ST7: variants seen among roughly 807,000 people sequenced by gnomAD.
The protein encoded by ST7 is suppression of tumorigenicity 7.
ST7 carries 28 observed loss-of-function variants against 78.7 expected under a neutral mutation model. The observed-to-expected ratio is 0.36, with a 90% confidence interval of 0.26 to 0.49. ST7 has a LOEUF of 0.49. ST7 is among the 20% of genes least tolerant of loss of function. The pLI is 0.99. For missense variants in ST7, 418 were observed against 696.0 expected, an observed-to-expected ratio of 0.60 and a Z score of 4.49; for synonymous variants, 247 against 249.6, an observed-to-expected ratio of 0.99 and a Z score of 0.10.
intron 1 of ST7, chr7:117,014,791 A>G (rs1484811565): frequency 2.7e-6 from 1 of 369,004 alleles, no homozygotes; most frequent in Admixed American, 4.6e-5. Flanking sequence ...TTTCTGAGAG[A>G]CATTTCTAAG....
intron 15 of ST7, chr7:117,223,202 T>C: frequency 1.8e-6 from 1 of 556,778 alleles, no homozygotes; most frequent in Non-Finnish European, 3.2e-6. Context: ...CTTTCCCTCC[T>C]TTTCCCAAAG....
chr7:117,035,162 T>G (rs1216500409), intron 1 of ST7, among the ~76,000 whole-genome samples: 3 of 145,182 alleles, frequency 2.1e-5, no homozygotes, highest in African/African-American at 5.1e-5. Context: ...AATACACAGG[T>G]CCCTGAGTGC....
At chr7:117,035,642 T>A (rs1429785091) in intron 1 of ST7, among the ~76,000 whole-genome samples, 2 of 152,192 alleles carry the variant, frequency 1.3e-5, no homozygotes, top group African/African-American at 4.8e-5. Context: ...AAGGGAAATA[T>A]CTCCATTATA....
intron 3 of ST7, among the ~76,000 whole-genome samples, chr7:117,128,508 T>G (rs1804060509): frequency 6.6e-6 from 1 of 151,872 alleles, no homozygotes; most frequent in African/African-American, 2.4e-5. Flanking sequence ...GACAAAAAAT[T>G]TAGGGCCATT....
chr7:117,222,878 C>T (rs780215676), intron 15 of ST7: 2 of 1,614,040 alleles, frequency 1.2e-6, no homozygotes, highest in South Asian at 1.1e-5. Flanking sequence ...ACATTTTCTG[C>T]TCGGCAGAGT....
chr7:116,956,651 A>G (rs527489057), intron 1 of ST7: 242 of 470,972 alleles, frequency 5.1e-4, no homozygotes, highest in Non-Finnish European at 8.3e-4. Flanking sequence ...TCATTCTTGG[A>G]TATCTGCTTG....
intron 13 of ST7, among the ~76,000 whole-genome samples, chr7:117,213,652 A>C (rs1792465110): frequency 6.6e-6 from 1 of 151,810 alleles, no homozygotes; most frequent in Non-Finnish European, 1.5e-5. Context: ...AAAAAAAAAA[A>C]CAAAACTGAA....
At chr7:117,021,501 C>G (rs975760109) in intron 1 of ST7, among the ~76,000 whole-genome samples, 2 of 152,142 alleles carry the variant, frequency 1.3e-5, no homozygotes, top group African/African-American at 4.8e-5. Flanking sequence ...ATTGGCAAGC[C>G]ACTATCTTTG....
chr7:117,160,591 C>A (rs1807059725), intron 9 of ST7, among the ~76,000 whole-genome samples: 1 of 151,812 alleles, frequency 6.6e-6, no homozygotes. Context: ...ACATCCCTCA[C>A]AAATATGAGT....
At chr7:117,005,669 T>C (rs1795125507) in intron 1 of ST7, among the ~76,000 whole-genome samples, 1 of 152,130 alleles carries the variant, frequency 6.6e-6, no homozygotes, top group Non-Finnish European at 1.5e-5. Flanking sequence ...GTATGCTGAA[T>C]TCCCAGACAT....
chr7:117,110,928 G>A (rs1423481755), intron 2 of ST7, among the ~76,000 whole-genome samples: 1 of 152,182 alleles, frequency 6.6e-6, no homozygotes, highest in Non-Finnish European at 1.5e-5. Flanking sequence ...TTCTCAGGAA[G>A]CAGAGGATGC....
intron 1 of ST7, among the ~76,000 whole-genome samples, chr7:116,961,588 G>GTGTT (rs1792829606): frequency 6.6e-6 from 1 of 151,274 alleles, no homozygotes; most frequent in Admixed American, 6.6e-5. Flanking sequence ...GTGTGTGTGT[G>GTGTT]TGTGTGGTGG....
At chr7:117,028,792 A>C (rs1430203244) in intron 1 of ST7, among the ~76,000 whole-genome samples, 2 of 152,154 alleles carry the variant, frequency 1.3e-5, no homozygotes, top group Non-Finnish European at 2.9e-5. Flanking sequence ...CTAAAGGCTC[A>C]CCTGAACTAG....
At chr7:117,178,119 G>A (rs886254449) in intron 10 of ST7, among the ~76,000 whole-genome samples, 1 of 152,122 alleles carries the variant, frequency 6.6e-6, no homozygotes, top group African/African-American at 2.4e-5. Context: ...ATAATTTGTT[G>A]CCTGACCAAG....
At chr7:116,966,634 A>G (rs568384824) in intron 1 of ST7, among the ~76,000 whole-genome samples, 3 of 152,344 alleles carry the variant, frequency 2.0e-5, no homozygotes, top group South Asian at 4.1e-4. Context: ...ATCTCTTTTT[A>G]GTATTGACTA....
At chr7:117,122,036 A>G (rs1474024604) in intron 3 of ST7, among the ~76,000 whole-genome samples, 1 of 152,186 alleles carries the variant, frequency 6.6e-6, no homozygotes, top group African/African-American at 2.4e-5. Context: ...AAAATATTAA[A>G]GATTAATGGA....
At chr7:117,005,540 A>C (rs1398686362) in intron 1 of ST7, among the ~76,000 whole-genome samples, 1 of 152,200 alleles carries the variant, frequency 6.6e-6, no homozygotes, top group Non-Finnish European at 1.5e-5. Context: ...TGAAATGCTA[A>C]AGGACATTAC....
chr7:117,021,438 A>G (rs2116036754), intron 1 of ST7, among the ~76,000 whole-genome samples: 1 of 152,366 alleles, frequency 6.6e-6, no homozygotes, highest in Middle Eastern at 3.4e-3. Context: ...AAGAATTTCT[A>G]AGAGATAAGA....
At chr7:117,066,320 G>A (rs1159598214) in intron 1 of ST7, among the ~76,000 whole-genome samples, 1 of 152,126 alleles carries the variant, frequency 6.6e-6, no homozygotes, top group East Asian at 1.9e-4. Flanking sequence ...AATAGACCGT[G>A]TCTATGTATT....
Sources: allele counts gnomAD v4.1 joint callset (sites outside exome capture counted in the v4.1 genomes callset), GRCh38; gene constraint gnomAD v4.1.1; transcripts MANE v1.5; gene names NCBI Gene and HGNC (gene_info 2026-07-23, HGNC 2026-07-21).